EXOC5: variants seen among roughly 807,000 people sequenced by gnomAD.
EXOC5 encodes SEC10-like 1.
A neutral mutation model predicts 90.8 loss-of-function variants in EXOC5; 17 were observed. The ratio of observed to expected loss-of-function variants is 0.19; its 90% CI spans 0.13 to 0.28. EXOC5 has a LOEUF of 0.28. Among genes scored for constraint, EXOC5 ranks in the 10% least tolerant of loss-of-function variants. EXOC5 has a pLI of 1.00. For synonymous variants in EXOC5, 260 were observed against 270.0 expected, an observed-to-expected ratio of 0.96 and a Z score of 0.36; for missense variants, 569 against 830.6, an observed-to-expected ratio of 0.69 and a Z score of 3.87.
chr14:57,225,828 A>C (rs1268090551), intron 12 of EXOC5, among the ~76,000 whole-genome samples: 1 of 152,222 alleles, frequency 6.6e-6, no homozygotes, highest in Non-Finnish European at 1.5e-5. Context: ...AATAGGTGTT[A>C]TGTACAGTGG....
intron 1 of EXOC5, among the ~76,000 whole-genome samples, chr14:57,262,230 A>G (rs935631487): frequency 9.2e-5 from 14 of 152,172 alleles, no homozygotes; most frequent in Non-Finnish European, 1.8e-4. Flanking sequence ...AAGCAATTTA[A>G]ATTTCTCAAC....
At position 57,201,512 on chromosome 14, in the gene EXOC5, ATG is replaced by A. The variant is rs1290896858; in HGVS notation, c.*7095_*7096del. The stretch of plus-strand genomic sequence containing the variant: ...AACACACGTGTATATACACACACAT[ATG>A]TATATATATACACACACACCACACA... On this transcript the variant is annotated 3_prime_UTR_variant, in exon 18 of 18. Transcript: ENST00000621441. The A allele has an allele frequency of 7.0e-6, 1 of 143,418 alleles. No individual in the cohort carries two copies. Among genetic ancestry groups the A allele is most frequent in the Non-Finnish European group, 1.5e-5 (1 of 66,822 alleles). The allele number at this position is 143,418 out of a possible 1,614,324, so 8.9% of individuals were successfully genotyped here.
chr14:57,233,992 T>C lies in EXOC5; in HGVS notation c.710A>G (p.Gln237Arg), dbSNP rs1389836400. 4 of 1,602,202 alleles carry C rather than the reference T, an allele frequency of 2.5e-6. No homozygotes were observed. The highest frequency in any genetic ancestry group is 3.4e-6 in the Non-Finnish European group (4 of 1,169,550). The change falls in exon 8 of 18, where the codon CAG (glutamine) becomes CGG (arginine). Residue 237 changes from glutamine (Q) to arginine (R), a missense_variant. Gln to Arg is a conservative substitution (Grantham distance 43). Coordinates refer to ENST00000621441, the MANE Select transcript of EXOC5 (RefSeq NM_006544.4). ...HCVDVYIKQCQEGAYLRNDIF... is the reference protein window; with the variant it reads ...HCVDVYIKQCREGAYLRNDIF... ...CAAAGTGTACTGTTATGTTACCTCC[T>C]GGCACTGCTTTATATAAACATCAAC...
chr14:57,255,296 C>A (rs1280398047), intron 1 of EXOC5, among the ~76,000 whole-genome samples: 1 of 152,054 alleles, frequency 6.6e-6, no homozygotes, highest in African/African-American at 2.4e-5. Flanking sequence ...CTACACTGGG[C>A]CCTTTCTACC....
intron 4 of EXOC5, among the ~76,000 whole-genome samples, chr14:57,240,888 G>A (rs1033904923): frequency 6.6e-6 from 1 of 151,598 alleles, no homozygotes; most frequent in African/African-American, 2.4e-5. Context: ...AGTCTTGCTC[G>A]GTCACTCAGA....
chr14:57,255,696 G>C (rs973463081), intron 1 of EXOC5, among the ~76,000 whole-genome samples: 3 of 152,142 alleles, frequency 2.0e-5, no homozygotes, highest in Admixed American at 2.0e-4. Flanking sequence ...AGCTGGGTTG[G>C]TGGTGGGCAC....
In EXOC5 at chr14:57,259,802, T is replaced by C. The variant is rs979530100; in HGVS notation, c.27+8820A>G. 1.9e-4 allele frequency among the ~76,000 whole-genome samples: 29 copies of C among 152,216 alleles called. 1 individual carries two copies. The highest frequency in any genetic ancestry group is 6.5e-4 in the African/African-American group (27 of 41,448). ...TTCATAAGTTTCACTCTTTTCTCCA[T>C]ACTTAAATTGAAAGCAAGGGGATGC... is the stretch of plus-strand genomic sequence containing the variant. On this transcript the variant is annotated intron_variant, in intron 1 of 17. Transcript: ENST00000621441.
chr14:57,249,238 TAGTC>T (rs1238419199), intron 1 of EXOC5, among the ~76,000 whole-genome samples: 1 of 152,134 alleles, frequency 6.6e-6, no homozygotes, highest in African/African-American at 2.4e-5. Context: ...AATTAGGAAG[TAGTC>T]AGCCCTTTCA....
At chr14:57,212,935 T>G (rs899319852) in intron 15 of EXOC5, among the ~76,000 whole-genome samples, 16 of 152,170 alleles carry the variant, frequency 1.1e-4, no homozygotes, top group African/African-American at 3.9e-4. Flanking sequence ...TTATGCAGTG[T>G]TTTTATATTT....
At position 57,204,807 on chromosome 14, in the gene EXOC5, A is replaced by C. The variant is rs921445769; in HGVS notation, c.*3802T>G. ...GTATGACCATACATTGAACATATTA[A>C]GAAAAACACAACAGTAAATTAGATA... On this transcript the variant is annotated 3_prime_UTR_variant, in exon 18 of 18. Coordinates refer to ENST00000621441, the MANE Select transcript of EXOC5 (RefSeq NM_006544.4). 2 of 152,524 alleles carry C rather than the reference A, an allele frequency of 1.3e-5. No homozygotes were observed. The highest frequency in any genetic ancestry group is 1.9e-4 in the East Asian group (1 of 5,206). The allele number at this position is 152,524 out of a possible 1,614,324, so 9.4% of individuals were successfully genotyped here. A position where few individuals can be genotyped will look rare whatever the true frequency, so the allele number is the denominator to read the frequency against.
At chr14:57,239,731 A>C (rs1019611050) in intron 4 of EXOC5, 72 bp from the exon 5 acceptor site, 13 of 872,212 alleles carry the variant, frequency 1.5e-5, no homozygotes, top group Non-Finnish European at 2.3e-5. Flanking sequence ...ATATATCTGA[A>C]ATTAGTAATA....
intron 3 of EXOC5, 94 bp downstream of exon 3, chr14:57,246,617 T>G (rs1158517460): frequency 2.9e-6 from 3 of 1,036,130 alleles, no homozygotes; most frequent in East Asian, 4.8e-5. Context: ...ACAGTTACTA[T>G]CATCTGACTA....
intron 1 of EXOC5, among the ~76,000 whole-genome samples, chr14:57,266,740 TA>T (rs2139676925): frequency 6.7e-6 from 1 of 149,186 alleles, no homozygotes; most frequent in East Asian, 2.0e-4. Context: ...TGTGTGTATA[TA>T]TATATATATA....
chr14:57,240,182 T>C (rs559131508), intron 4 of EXOC5, among the ~76,000 whole-genome samples: 68 of 151,518 alleles, frequency 4.5e-4, no homozygotes, highest in African/African-American at 1.5e-3. Flanking sequence ...AAATATAATA[T>C]AGAAATGTGT....
At chr14:57,257,781 A>T (rs1566506374) in intron 1 of EXOC5, among the ~76,000 whole-genome samples, 2 of 152,204 alleles carry the variant, frequency 1.3e-5, no homozygotes, top group Admixed American at 1.3e-4. Context: ...AAAGGCGCTT[A>T]CAGTGACAAA....
chr14:57,242,685 T>G (rs1208681361), intron 4 of EXOC5, among the ~76,000 whole-genome samples: 3 of 152,230 alleles, frequency 2.0e-5, no homozygotes, highest in Non-Finnish European at 4.4e-5. Context: ...CTTTTTCCTT[T>G]TCTTTCCATT....
At position 57,255,089 on chromosome 14, in the gene EXOC5, T is replaced by C. The variant is rs185816668; in HGVS notation, c.28-7377A>G. 2.7e-3 allele frequency among the ~76,000 whole-genome samples: 404 copies of C among 152,258 alleles called. 2 individuals carry two copies. The highest frequency in any genetic ancestry group is 9.2e-3 in the African/African-American group (383 of 41,562). The stretch of plus-strand genomic sequence containing the variant: ...AGCAACCAAGTAGAAAAAATGACTT[T>C]GCTTGGCATTAGCACTCTGAGCACA... On this transcript the variant is annotated intron_variant, in intron 1 of 17. Coordinates refer to ENST00000621441, the MANE Select transcript of EXOC5 (RefSeq NM_006544.4).
intron 15 of EXOC5, among the ~76,000 whole-genome samples, chr14:57,210,773 T>C (rs1195505390): frequency 1.3e-5 from 2 of 152,130 alleles, no homozygotes; most frequent in African/African-American, 4.8e-5. Context: ...AGATGACATG[T>C]CATTCATACA....
intron 3 of EXOC5, among the ~76,000 whole-genome samples, chr14:57,245,670 T>TA (rs1344553017): frequency 6.6e-6 from 1 of 152,140 alleles, no homozygotes; most frequent in African/African-American, 2.4e-5. Context: ...AATTGAAACT[T>TA]TAGCAGCAAT....
Sources: allele counts gnomAD v4.1 joint callset (sites outside exome capture counted in the v4.1 genomes callset), GRCh38; gene constraint gnomAD v4.1.1; transcripts MANE v1.5; gene names NCBI Gene and HGNC (gene_info 2026-07-23, HGNC 2026-07-21).